Variants in GABRB2 observed in about 807,000 individuals in gnomAD.
The protein encoded by GABRB2 is gamma-aminobutyric acid receptor subunit beta-2.
A neutral mutation model predicts 54.7 loss-of-function variants in GABRB2; 16 were observed. The observed-to-expected ratio is 0.29, with a 90% CI of 0.20 to 0.44. The LOEUF is 0.44. Ranked by LOEUF, GABRB2 falls within the 20% of genes least tolerant of loss-of-function variation. GABRB2 has a pLI of 1.00. For missense variants in GABRB2, 355 were observed against 644.0 expected, an observed-to-expected ratio of 0.55 and a Z score of 4.86; for synonymous variants, 244 against 233.8, an observed-to-expected ratio of 1.04 and a Z score of -0.40.
chr5:161,463,549 TTTTATTTA>T (rs61366834), intron 3 of GABRB2, among the ~76,000 whole-genome samples: 948 of 54,322 alleles, frequency 0.017, 4 homozygotes, highest in Middle Eastern at 0.031. Context: ...TTCCAAATAT[TTTTATTTA>T]TATATATATA....
At chr5:161,408,440 T>C (rs1281878198) in intron 5 of GABRB2, among the ~76,000 whole-genome samples, 1 of 152,030 alleles carries the variant, frequency 6.6e-6, no homozygotes, top group Non-Finnish European at 1.5e-5. Context: ...CTTTAGAGCT[T>C]ATTACGATAC....
chr5:161,421,569 A>C (rs1232953506), intron 4 of GABRB2, among the ~76,000 whole-genome samples: 2 of 152,144 alleles, frequency 1.3e-5, no homozygotes, highest in African/African-American at 2.4e-5. Context: ...ACATATTTTC[A>C]CTGCAGTACA....
intron 5 of GABRB2, among the ~76,000 whole-genome samples, chr5:161,410,578 GAT>G (rs1228808830): frequency 2.0e-5 from 3 of 152,118 alleles, no homozygotes; most frequent in Admixed American, 2.0e-4. Flanking sequence ...CAATTACAAA[GAT>G]AGAAAGTTTA....
intron 3 of GABRB2, among the ~76,000 whole-genome samples, chr5:161,525,583 GA>G (rs1292413711): frequency 6.6e-6 from 1 of 151,012 alleles, no homozygotes; most frequent in African/African-American, 2.4e-5. Context: ...ACTTTAATAT[GA>G]AAACAACCAT....
intron 3 of GABRB2, among the ~76,000 whole-genome samples, chr5:161,497,030 A>G (rs571651257): frequency 1.8e-4 from 28 of 152,208 alleles, no homozygotes; most frequent in African/African-American, 6.5e-4. Context: ...GTAACATCCA[A>G]CATTTAAGGG....
At chr5:161,456,471 G>A (rs2113253610) in intron 4 of GABRB2, among the ~76,000 whole-genome samples, 1 of 152,084 alleles carries the variant, frequency 6.6e-6, no homozygotes, top group East Asian at 1.9e-4. Context: ...TATCTTTTTT[G>A]TTCCCTGCAT....
rs908738518 is a variant in GABRB2 at position 161,326,416 on chromosome 5, G to A, written c.1143C>T (p.Asn381=). 3.7e-6 allele frequency: 6 copies of A among 1,613,458 alleles called. No individual in the cohort carries two copies. In the African/African-American group the frequency reaches 5.3e-5, roughly 14 times the overall value. The change falls in exon 9 of 10, where the codon AAC becomes AAT. Residue 381 remains asparagine, a synonymous_variant. Transcript: ENST00000393959. ...TGGTAGTCCGTCTAGTTGGGGAGAGGTTTCCAGTAGGGTCCCACAAGGATC... is the reference window on the plus strand; with the variant it reads ...TGGTAGTCCGTCTAGTTGGGGAGAGATTTCCAGTAGGGTCCCACAAGGATC... ...QYRSLWDPTG[N]LSPTRRTTNY...
At chr5:161,534,841 T>A (rs766956234) in intron 3 of GABRB2, among the ~76,000 whole-genome samples, 2 of 152,100 alleles carry the variant, frequency 1.3e-5, no homozygotes. Context: ...TTTAAGAGAA[T>A]CATATGCAGG....
intron 4 of GABRB2, among the ~76,000 whole-genome samples, chr5:161,445,763 G>A (rs542166432): frequency 2.1e-4 from 32 of 152,102 alleles, no homozygotes; most frequent in African/African-American, 3.1e-4. Flanking sequence ...AAAGCCTCCC[G>A]CTGCCCCACC....
intron 5 of GABRB2, among the ~76,000 whole-genome samples, chr5:161,390,754 C>T (rs918439072): frequency 6.6e-6 from 1 of 152,048 alleles, no homozygotes; most frequent in Admixed American, 6.6e-5. Context: ...GTCCTCTGGC[C>T]TTTGTTACTA....
chr5:161,296,493 T>C (rs1757384211), intron 9 of GABRB2, among the ~76,000 whole-genome samples: 2 of 152,180 alleles, frequency 1.3e-5, no homozygotes, highest in Admixed American at 1.3e-4. Flanking sequence ...ATAATAAAAA[T>C]TATTGGCAGC....
At chr5:161,346,124 C>T (rs1219663190) in intron 5 of GABRB2, among the ~76,000 whole-genome samples, 1 of 152,072 alleles carries the variant, frequency 6.6e-6, no homozygotes. Context: ...TAAAAGGTAG[C>T]TACCAAGTTA....
chr5:161,294,372 G>T lies in GABRB2; in HGVS notation c.1248C>A (p.Ala416=). The T allele has an allele frequency of 6.2e-7, 1 of 1,614,032 alleles. No homozygotes were observed. The highest frequency in any genetic ancestry group is 2.2e-5 in the East Asian group (1 of 44,866). The stretch of plus-strand genomic sequence containing the variant: ...CAAGTCCCATCACAGCCTCAGATGT[G>T]GCCATTTCATTTTTTATCTCGAGAG... ...LSTLEIKNEM[A]TSEAVMGLGD... is the part of the protein sequence containing the mutation. The change falls in exon 10 of 10, where the codon GCC becomes GCA. Residue 416 remains alanine (A), a synonymous_variant. Transcript: ENST00000393959.
At chr5:161,375,585 A>T (rs1359103479) in intron 5 of GABRB2, among the ~76,000 whole-genome samples, 2 of 152,200 alleles carry the variant, frequency 1.3e-5, no homozygotes, top group African/African-American at 4.8e-5. Flanking sequence ...AATGAACAAC[A>T]TTATAGCAAG....
intron 2 of GABRB2, among the ~76,000 whole-genome samples, 162 bp from the exon 3 acceptor site, chr5:161,545,456 G>T (rs1473310988): frequency 8.5e-6 from 1 of 117,546 alleles, no homozygotes; most frequent in Non-Finnish European, 1.9e-5. Context: ...AAAAAAAAAA[G>T]GTAGCAGGCA....
chr5:161,349,228 GA>G (rs200217036), intron 5 of GABRB2, among the ~76,000 whole-genome samples: 1 of 150,278 alleles, frequency 6.7e-6, no homozygotes, highest in African/African-American at 2.4e-5. Context: ...CTGGCTTCAG[GA>G]AAAAAAATTC....
At chr5:161,488,145 A>AT (rs1293249367) in intron 3 of GABRB2, among the ~76,000 whole-genome samples, 1 of 151,666 alleles carries the variant, frequency 6.6e-6, no homozygotes, top group Non-Finnish European at 1.5e-5. Context: ...GGTCAAAATG[A>AT]TTTGGATGAA....
At chr5:161,333,214 CA>C (rs1282853456) in intron 7 of GABRB2, among the ~76,000 whole-genome samples, 1 of 152,088 alleles carries the variant, frequency 6.6e-6, no homozygotes, top group Non-Finnish European at 1.5e-5. Context: ...GGGATATTTG[CA>C]AATTTTATTC....
intron 3 of GABRB2, among the ~76,000 whole-genome samples, chr5:161,470,958 T>C (rs1479766788): frequency 6.6e-6 from 1 of 152,048 alleles, no homozygotes. Context: ...TCATGCTTCC[T>C]GCATGGGTTT....
Sources: allele counts gnomAD v4.1 joint callset (sites outside exome capture counted in the v4.1 genomes callset), GRCh38; gene constraint gnomAD v4.1.1; transcripts MANE v1.5; gene names NCBI Gene and HGNC (gene_info 2026-07-23, HGNC 2026-07-21).